Variants in PLCG1 observed in about 807,000 individuals in gnomAD.
PLCG1 encodes the protein phospholipase C gamma 1.
PLCG1 carries 71 observed loss-of-function variants against 177.8 expected under a neutral mutation model. That is an observed-to-expected ratio of 0.40 (90% CI 0.33 to 0.49). The LOEUF is 0.49. PLCG1 is among the 20% of genes least tolerant of loss of function. The pLI, the probability that PLCG1 is intolerant of heterozygous loss-of-function variation, is 0.72. For missense variants in PLCG1, 1,281 were observed against 1,709.0 expected (o/e 0.75, Z 4.42); for synonymous variants, 658 against 647.9 (o/e 1.02, Z -0.24).
chr20:41,172,128 C>T lies in PLCG1; in HGVS notation c.2809-65C>T. ...GCAGTGTGGGCATGCCCAAGGTTGG[C>T]AGGGGCTTCCTTCTCCTGGGCAGGG... On this transcript the variant is annotated intron_variant, in intron 24 of 31. Coordinates refer to ENST00000685551, the MANE Select transcript of PLCG1 (RefSeq NM_002660.3). The surrounding 1 kb of genome is among the most constrained non-coding windows in gnomAD (Gnocchi z 7.0). 1 of 1,305,160 alleles carries T rather than the reference C, an allele frequency of 7.7e-7. No homozygotes were observed. The highest frequency in any genetic ancestry group is 1.2e-5 in the South Asian group (1 of 84,868). The allele number at this position is 1,305,160 out of a possible 1,614,324, so 80.8% of individuals were successfully genotyped here.
chr20:41,177,373 G>C lies in PLCG1; in HGVS notation c.*2864G>C, dbSNP rs2036093353. On this transcript the variant is annotated 3_prime_UTR_variant, in exon 32 of 32. Transcript: ENST00000685551. ...GCAGGAGCAGTTTCTGACCTCAGTT[G>C]AGTATCTGTGGCCATGAGCAGAAAA... 6.6e-6 allele frequency: 1 copy of C among 152,270 alleles called. No individual in the cohort carries two copies. The highest frequency in any genetic ancestry group is 6.5e-5 in the Admixed American group (1 of 15,284). 9.4% of individuals were successfully genotyped at this position (152,270 alleles called of 1,614,324 possible).
At chr20:41,162,600 G>T in intron 5 of PLCG1, 42 bp from the exon 6 acceptor site, 1 of 1,608,698 alleles carries the variant, frequency 6.2e-7, no homozygotes, top group South Asian at 1.1e-5. Flanking sequence ...TTCAGCTGGG[G>T]GCCTGACTGC....
At position 41,166,122 on chromosome 20, in the gene PLCG1, T is replaced by G; in HGVS notation, c.1800-72T>G. On this transcript the variant is annotated intron_variant, in intron 16 of 31. Transcript: ENST00000685551. This position sits in a 1 kb window ranked among gnomAD's most constrained non-coding sequence, Gnocchi z 8.6. ...GCTCCCTCCTTGAGTTCCACCCTCA[T>G]TTGGGGTGGAACTTGGTCTTTGGGG... 2.3e-5 allele frequency: 30 copies of G among 1,302,454 alleles called. No individual in the cohort carries two copies. Among genetic ancestry groups the G allele is most frequent in the Non-Finnish European group, 3.1e-5 (28 of 916,390 alleles). The allele number at this position is 1,302,454 out of a possible 1,614,324, so 80.7% of individuals were successfully genotyped here.
intron 24 of PLCG1, among the ~76,000 whole-genome samples, chr20:41,171,064 G>A (rs933991069): frequency 4.6e-5 from 7 of 152,226 alleles, no homozygotes; most frequent in Non-Finnish European, 1.0e-4. Flanking sequence ...GAGCCTGGGG[G>A]AACAGAGAAG....
In PLCG1 at chr20:41,160,001, T is replaced by G. The variant is rs774310590; in HGVS notation, c.464+38T>G. The G allele has an allele frequency of 6.2e-7, 1 of 1,601,518 alleles. No individual in the cohort carries two copies. The highest frequency in any genetic ancestry group is 8.6e-7 in the Non-Finnish European group (1 of 1,168,582). ...CCTGAAGGGGTTAGGGCTGGGAGCA[T>G]TAGGGACCAGGGGGACAGGGACAGC... On this transcript the variant is annotated intron_variant, in intron 3 of 31. Transcript: ENST00000685551. This position sits in a 1 kb window ranked among gnomAD's most constrained non-coding sequence, Gnocchi z 5.5.
rs780171437 is a variant in PLCG1 at position 41,165,274 on chromosome 20, C to T, written c.1416C>T (p.Tyr472=). The T allele has an allele frequency of 1.4e-5, 22 of 1,613,960 alleles. No individual in the cohort carries two copies. The highest frequency in any genetic ancestry group is 1.6e-4 in the Middle Eastern group (1 of 6,084). The stretch of plus-strand genomic sequence containing the variant: ...AGAAGCTGGCTGAGGGCAGTGCCTA[C>T]GAGGAGGTGCCTACATCCATGATGT... ...KHKKLAEGSA[Y]EEVPTSMMYS... is the part of the protein sequence containing the mutation. The change falls in exon 14 of 32, where the codon TAC becomes TAT. Residue 472 remains tyrosine, a synonymous_variant. Transcript: ENST00000685551. This position sits in a 1 kb window ranked among gnomAD's most constrained non-coding sequence, Gnocchi z 6.6.
Position 41,165,503 on chromosome 20 carries a change from G to A in PLCG1, c.1563G>A (p.Glu521=), listed in dbSNP as rs758073386. Residue 521 remains glutamate (E), a synonymous_variant, in exon 15 of 32, where the codon GAG becomes GAA. Transcript: ENST00000685551. The surrounding 1 kb of genome is among the most constrained non-coding windows in gnomAD (Gnocchi z 6.6). ...VLTSSKIYYS[E]ETSSDQGNED... The stretch of plus-strand genomic sequence containing the variant: ...CCAGCAGCAAGATCTACTACTCTGA[G>A]GAGACCAGCAGTGACCAGGGCAACG... 12 of 1,614,074 alleles carry A rather than the reference G, an allele frequency of 7.4e-6. No individual in the cohort carries two copies. In the South Asian group the frequency reaches 1.1e-4, roughly 15 times the overall value.
Position 41,164,315 on chromosome 20 carries a change from C to A in PLCG1, c.1217+114C>A. The A allele has an allele frequency of 4.7e-6, 5 of 1,070,118 alleles. No homozygotes were observed. Among genetic ancestry groups the A allele is most frequent in the South Asian group, 2.9e-5 (2 of 70,114 alleles). 66.3% of individuals were successfully genotyped at this position (1,070,118 alleles called of 1,614,324 possible). The stretch of plus-strand genomic sequence containing the variant: ...CCCTGTCCCCTCTCCCTCAGCCTTT[C>A]ATCTTTGTCCTTCCTCTTGGCCTCT... On this transcript the variant is annotated intron_variant, in intron 12 of 31. Coordinates refer to ENST00000685551, the MANE Select transcript of PLCG1 (RefSeq NM_002660.3). The surrounding 1 kb of genome is among the most constrained non-coding windows in gnomAD (Gnocchi z 6.4).
In PLCG1 at chr20:41,163,166, T is replaced by C. The variant is rs757460565; in HGVS notation, c.717-37T>C. 8 of 1,550,494 alleles carry C rather than the reference T, an allele frequency of 5.2e-6. No individual in the cohort carries two copies. Among genetic ancestry groups the C allele is most frequent in the East Asian group, 2.2e-5 (1 of 44,514 alleles). ...CTTCCGTGGGGCACCTTGTTGTCTG[T>C]TGACCATACTAGCTAGCTTACCTTC... is the stretch of plus-strand genomic sequence containing the variant. On this transcript the variant is annotated intron_variant, in intron 7 of 31. Coordinates refer to ENST00000685551, the MANE Select transcript of PLCG1 (RefSeq NM_002660.3). This position sits in a 1 kb window ranked among gnomAD's most constrained non-coding sequence, Gnocchi z 5.2.
At chr20:41,149,294 T>C (rs1399528942) in intron 1 of PLCG1, among the ~76,000 whole-genome samples, 2 of 152,228 alleles carry the variant, frequency 1.3e-5, no homozygotes, top group African/African-American at 2.4e-5. Flanking sequence ...TCCAAGTATC[T>C]AGTTTAATGT....
rs377179085 is a variant in PLCG1, at chr20:41,158,181, A to C, written c.218-1425A>C. ...TGTGGAGTTTTGTGACAGTTGCTAGAGGGACAGGACAGGAAGAGAGCATCT... is the reference window on the plus strand; with the variant it reads ...TGTGGAGTTTTGTGACAGTTGCTAGCGGGACAGGACAGGAAGAGAGCATCT... On this transcript the variant is annotated intron_variant, in intron 1 of 31. Coordinates refer to ENST00000685551, the MANE Select transcript of PLCG1 (RefSeq NM_002660.3). Among the ~76,000 whole-genome samples the C allele has an allele frequency of 5.0e-4, 76 of 152,166 alleles. 1 individual carries two copies. Among genetic ancestry groups the C allele is most frequent in the East Asian group, 4.7e-3 (24 of 5,154 alleles).
intron 6 of PLCG1, 37 bp from the exon 7 acceptor site, chr20:41,162,921 C>A: frequency 6.2e-7 from 1 of 1,605,454 alleles, no homozygotes; most frequent in South Asian, 1.1e-5. Context: ...CATGGCCTCC[C>A]AGGGGTCTTG....
chr20:41,166,042 GTT>G lies in PLCG1; in HGVS notation c.1800-151_1800-150del. ...GGTTCATTTGAAGCCCACACCTTTG[GTT>G]CATGTGACTGCCCACACCTGAGCTC... On this transcript the variant is annotated intron_variant, in intron 16 of 31. Transcript: ENST00000685551. The surrounding 1 kb of genome is among the most constrained non-coding windows in gnomAD (Gnocchi z 8.6). 9.8e-6 allele frequency: 7 copies of G among 716,886 alleles called. No individual in the cohort carries two copies. The highest frequency in any genetic ancestry group is 2.8e-5 in the Admixed American group (1 of 35,814). The allele number at this position is 716,886 out of a possible 1,614,324, so 44.4% of individuals were successfully genotyped here.
In PLCG1 at chr20:41,163,689, C is replaced by T. The variant is rs774181970; in HGVS notation, c.892-26C>T. On this transcript the variant is annotated intron_variant, in intron 9 of 31. Transcript: ENST00000685551. This position sits in a 1 kb window ranked among gnomAD's most constrained non-coding sequence, Gnocchi z 5.2. ...TGGACAGGGCAGGGACTCACTGTCT[C>T]TTCCCTTCCACATGTTTCTGGACAG... 4 of 1,477,884 alleles carry T rather than the reference C, an allele frequency of 2.7e-6. No homozygotes were observed. The highest frequency in any genetic ancestry group is 1.7e-5 in the Admixed American group (1 of 59,866). The allele number at this position is 1,477,884 out of a possible 1,614,324, so 91.5% of individuals were successfully genotyped here.
rs1203163754 is a variant in PLCG1, at chr20:41,177,152, C to T, written c.*2643C>T. 1 of 152,260 alleles carries T rather than the reference C, an allele frequency of 6.6e-6. No homozygotes were observed. The highest frequency in any genetic ancestry group is 2.4e-5 in the African/African-American group (1 of 41,466). The allele number at this position is 152,260 out of a possible 1,614,324, so 9.4% of individuals were successfully genotyped here. A position where few individuals can be genotyped will look rare whatever the true frequency, so the allele number is the denominator to read the frequency against. On this transcript the variant is annotated 3_prime_UTR_variant, in exon 32 of 32. Transcript: ENST00000685551. Reference sequence around the variant, plus strand: ...GAAGGTAGATGGGCTCCCTTGCAGGCTCCTTGTTCTCCTGCCATCACCAGT... The same window carrying T: ...GAAGGTAGATGGGCTCCCTTGCAGGTTCCTTGTTCTCCTGCCATCACCAGT...
In PLCG1 at chr20:41,146,337, G is replaced by A. The variant is rs989448248; in HGVS notation, c.217+8479G>A. Among the ~76,000 whole-genome samples, 4 of 152,230 alleles carry A rather than the reference G, an allele frequency of 2.6e-5. No homozygotes were observed. Among genetic ancestry groups the A allele is most frequent in the Non-Finnish European group, 4.4e-5 (3 of 68,036 alleles). ...GACAGCTGTGCCTAAAGTGCTGTAG[G>A]CTGGGCCTGAGGGCCAAGATGGAAT... On this transcript the variant is annotated intron_variant, in intron 1 of 31. Transcript: ENST00000685551. This position sits in a 1 kb window ranked among gnomAD's most constrained non-coding sequence, Gnocchi z 6.3.
At position 41,172,365 on chromosome 20, in the gene PLCG1, C is replaced by A; in HGVS notation, c.2906-56C>A. On this transcript the variant is annotated intron_variant, in intron 25 of 31. Coordinates refer to ENST00000685551, the MANE Select transcript of PLCG1 (RefSeq NM_002660.3). This position sits in a 1 kb window ranked among gnomAD's most constrained non-coding sequence, Gnocchi z 7.0. ...GGTGCAAAAAGAGTATTTAGGTATCCCCCCAACACTTCCTGGGTGGGCGGG... is the reference window on the plus strand; with the variant it reads ...GGTGCAAAAAGAGTATTTAGGTATCACCCCAACACTTCCTGGGTGGGCGGG... 1 of 1,577,896 alleles carries A rather than the reference C, an allele frequency of 6.3e-7. No individual in the cohort carries two copies. The highest frequency in any genetic ancestry group is 8.7e-7 in the Non-Finnish European group (1 of 1,146,966).
intron 1 of PLCG1, among the ~76,000 whole-genome samples, chr20:41,141,521 TAGGCCCACAGCACGGGAGAGGGCA>T (rs950052300): frequency 3.3e-5 from 5 of 152,228 alleles, no homozygotes; most frequent in Non-Finnish European, 5.9e-5. Context: ...CTCCGAGGGC[TAGGCCCACAGCACGGGAGAGGGCA>T]AGGCCCAGGC....
In PLCG1 at chr20:41,150,127, C is replaced by G. The variant is rs1024491791; in HGVS notation, c.218-9479C>G. On this transcript the variant is annotated intron_variant, in intron 1 of 31. Transcript: ENST00000685551. This position sits in a 1 kb window ranked among gnomAD's most constrained non-coding sequence, Gnocchi z 4.0. ...TCACCTGCACCTGGGGAGGTAGAGG[C>G]TACAGTGAGCCCTGTTGGTGCCACT... Among the ~76,000 whole-genome samples, 1 of 152,144 alleles carries G rather than the reference C, an allele frequency of 6.6e-6. No individual in the cohort carries two copies. Among genetic ancestry groups the G allele is most frequent in the African/African-American group, 2.4e-5 (1 of 41,422 alleles).
Sources: gnomAD v4.1 joint callset for allele counts (sites outside exome capture counted in the v4.1 genomes callset) on GRCh38, gnomAD v4.1.1 for gene constraint, Gnocchi (gnomAD v3.1) non-coding constraint, MANE v1.5 for transcripts, NCBI Gene and HGNC (gene_info 2026-07-23, HGNC 2026-07-21) for gene names.